RNF157: variants seen among roughly 807,000 people sequenced by gnomAD.
RNF157 encodes the protein E3 ubiquitin ligase RNF157.
In RNF157, 55 loss-of-function variants were observed where a neutral mutation model predicts 88.3. The observed-to-expected ratio is 0.62, with a 90% CI of 0.50 to 0.78. RNF157 has a LOEUF of 0.78. Among genes scored for constraint, RNF157 ranks in the 30% least tolerant of loss-of-function variants. The probability of loss-of-function intolerance (pLI) is 0.00; values close to 1 mark genes in which losing one functional copy is unlikely to be tolerated. For missense variants in RNF157, 788 were observed against 860.8 expected (o/e 0.92, Z 1.06); for synonymous variants, 334 against 341.2 (o/e 0.98, Z 0.23).
intron 1 of RNF157, chr17:76,225,879 A>G: frequency 1.9e-6 from 3 of 1,613,244 alleles, no homozygotes; most frequent in Non-Finnish European, 2.5e-6. Context: ...AGCTCTTTGC[A>G]CTCGCCAGTG....
chr17:76,198,372 A>G (rs2144969769), intron 2 of RNF157, among the ~76,000 whole-genome samples: 1 of 152,320 alleles, frequency 6.6e-6, no homozygotes, highest in East Asian at 1.9e-4. Flanking sequence ...AGCTTGGAAA[A>G]ATGATGGACC....
intron 2 of RNF157, among the ~76,000 whole-genome samples, chr17:76,209,202 A>G (rs1009881112): frequency 6.6e-6 from 1 of 152,078 alleles, no homozygotes; most frequent in Non-Finnish European, 1.5e-5. Context: ...AGTAGCTGGG[A>G]CCACAGGCAC....
chr17:76,166,933 G>A (rs141435254), intron 5 of RNF157, 76 bp downstream of exon 5: 1 of 928,826 alleles, frequency 1.1e-6, no homozygotes, highest in African/African-American at 1.7e-5. Context: ...CAGCCCCTTT[G>A]CTGTCAGACC....
intron 1 of RNF157, among the ~76,000 whole-genome samples, chr17:76,220,104 C>T (rs2069954986): frequency 6.6e-6 from 1 of 152,078 alleles, no homozygotes; most frequent in Non-Finnish European, 1.5e-5. Context: ...GTGCCGCTAG[C>T]ATCCAGCCTG....
intron 2 of RNF157, among the ~76,000 whole-genome samples, chr17:76,193,454 A>T (rs889527160): frequency 6.6e-6 from 1 of 152,212 alleles, no homozygotes; most frequent in East Asian, 1.9e-4. Context: ...GTTAGGATAT[A>T]TCTCACTTGG....
chr17:76,167,379 G>C (rs1292425358), intron 4 of RNF157, among the ~76,000 whole-genome samples: 1 of 152,198 alleles, frequency 6.6e-6, no homozygotes. Context: ...ACCACCATTT[G>C]TCACTATACC....
chr17:76,162,724 C>A, intron 8 of RNF157, 101 bp from the exon 9 acceptor site: 4 of 686,808 alleles, frequency 5.8e-6, no homozygotes, highest in Non-Finnish European at 9.3e-6. Flanking sequence ...CAAGGACTAC[C>A]GATTCATAAT....
At chr17:76,182,451 CTGTGTGTGTGTG>C (rs5822121) in intron 2 of RNF157, among the ~76,000 whole-genome samples, 3 of 144,120 alleles carry the variant, frequency 2.1e-5, no homozygotes, top group African/African-American at 7.7e-5. Context: ...CGCATTTAGT[CTGTGTGTGTGTG>C]TGTGTGTGTG....
intron 2 of RNF157, among the ~76,000 whole-genome samples, chr17:76,191,051 G>A (rs1217407412): frequency 6.6e-6 from 1 of 151,836 alleles, no homozygotes; most frequent in African/African-American, 2.4e-5. Flanking sequence ...GTTACGATAT[G>A]GATTAGCAGA....
chr17:76,228,269 AC>A (rs1477438752), intron 1 of RNF157, among the ~76,000 whole-genome samples: 1 of 151,976 alleles, frequency 6.6e-6, no homozygotes, highest in Non-Finnish European at 1.5e-5. Flanking sequence ...TGCGTCTAAA[AC>A]CCTTCCCACA....
chr17:76,188,056 C>A (rs75786326), intron 2 of RNF157, among the ~76,000 whole-genome samples: 1 of 152,290 alleles, frequency 6.6e-6, no homozygotes, highest in South Asian at 2.1e-4. Flanking sequence ...CAGTCACCCC[C>A]CAATAGCAGT....
chr17:76,209,445 T>C (rs2069738388), intron 2 of RNF157, among the ~76,000 whole-genome samples: 1 of 152,000 alleles, frequency 6.6e-6, no homozygotes, highest in Admixed American at 6.5e-5. Context: ...CAACAGAAAC[T>C]CGTAAACTTT....
chr17:76,229,428 T>C (rs2070150451), intron 1 of RNF157, among the ~76,000 whole-genome samples: 1 of 152,232 alleles, frequency 6.6e-6, no homozygotes, highest in Non-Finnish European at 1.5e-5. Context: ...AACAGATTAT[T>C]GTTGAGATCA....
chr17:76,162,488 T>C, intron 9 of RNF157, 64 bp downstream of exon 9: 1 of 1,257,212 alleles, frequency 8.0e-7, no homozygotes, highest in Non-Finnish European at 1.2e-6. Flanking sequence ...TTCTGGACGC[T>C]GGCTTACGAT....
At chr17:76,215,980 T>C (rs772189075) in intron 1 of RNF157, among the ~76,000 whole-genome samples, 3 of 152,216 alleles carry the variant, frequency 2.0e-5, no homozygotes, top group African/African-American at 4.8e-5. Flanking sequence ...AGGTACCTAG[T>C]TGCCTTAAGT....
chr17:76,186,862 C>A (rs900526528), intron 2 of RNF157, among the ~76,000 whole-genome samples: 1 of 151,912 alleles, frequency 6.6e-6, no homozygotes, highest in Non-Finnish European at 1.5e-5. Flanking sequence ...ATTGCCTGAA[C>A]CCAGGAGGCA....
At chr17:76,165,662 G>T in intron 6 of RNF157, 117 bp from the exon 7 acceptor site, 1 of 1,092,328 alleles carries the variant, frequency 9.2e-7, no homozygotes, top group Non-Finnish European at 1.4e-6. Flanking sequence ...TCTCTAGAAG[G>T]GGCACGTTAT....
intron 3 of RNF157, 41 bp downstream of exon 3, chr17:76,173,661 G>T: frequency 6.7e-7 from 1 of 1,490,088 alleles, no homozygotes; most frequent in South Asian, 1.2e-5. Context: ...CCTCCCCAAA[G>T]GAAGGTGCCT....
intron 1 of RNF157, among the ~76,000 whole-genome samples, chr17:76,214,199 G>A (rs1257347188): frequency 6.6e-6 from 1 of 152,130 alleles, no homozygotes; most frequent in Non-Finnish European, 1.5e-5. Flanking sequence ...CTATCTTCAA[G>A]TAGTATCAGA....
Sources: gnomAD v4.1 joint callset for allele counts (sites outside exome capture counted in the v4.1 genomes callset) on GRCh38, gnomAD v4.1.1 for gene constraint, MANE v1.5 for transcripts, NCBI Gene and HGNC (gene_info 2026-07-23, HGNC 2026-07-21) for gene names.